Variants in DIP2C observed in about 807,000 individuals in gnomAD.
DIP2C encodes DIP2 acetate--CoA ligase C (putative).
DIP2C carries 33 observed loss-of-function variants against 192.4 expected under a neutral mutation model. The ratio of observed to expected loss-of-function variants is 0.17; its 90% CI spans 0.13 to 0.23. DIP2C has a LOEUF of 0.23. Ranked by LOEUF, DIP2C falls within the 10% of genes least tolerant of loss-of-function variation. The pLI, the probability that DIP2C is intolerant of heterozygous loss-of-function variation, is 1.00. For synonymous variants in DIP2C, 979 were observed against 864.1 expected (o/e 1.13, Z -2.33); for missense variants, 1,537 against 2,110.1 (o/e 0.73, Z 5.32).
At chr10:362,800 G>T in intron 21 of DIP2C, 109 bp from the exon 22 acceptor site, 1 of 1,219,080 alleles carries the variant, frequency 8.2e-7, no homozygotes, top group Non-Finnish European at 1.1e-6. Context: ...TGCAGTATAA[G>T]CACTGTTCCC....
intron 36 of DIP2C, among the ~76,000 whole-genome samples, chr10:280,413 A>G (rs1228777413): frequency 1.3e-5 from 2 of 152,158 alleles, no homozygotes; most frequent in Non-Finnish European, 2.9e-5. Flanking sequence ...TCTGTTATCA[A>G]GGGAATGAAC....
intron 32 of DIP2C, among the ~76,000 whole-genome samples, chr10:305,133 G>A (rs971861842): frequency 7.9e-5 from 12 of 151,996 alleles, no homozygotes; most frequent in African/African-American, 2.9e-4. Context: ...ACACACAACA[G>A]CATATATACA....
chr10:306,513 G>C lies in DIP2C; in HGVS notation c.3986+3518C>G, dbSNP rs576802180. ...TAATTGGGCAGGTGCCTTGGAGCTC[G>C]CAAGTGAGTGTGCCATTAAAGCAAC... On this transcript the variant is annotated intron_variant, in intron 32 of 36. Coordinates refer to ENST00000280886, the MANE Select transcript of DIP2C (RefSeq NM_014974.3). 5.9e-5 allele frequency among the ~76,000 whole-genome samples: 9 copies of C among 152,284 alleles called. No homozygotes were observed. The South Asian group carries it at 1.2e-3, about 21-fold the overall frequency.
At chr10:616,261 T>G (rs1853464208) in intron 1 of DIP2C, among the ~76,000 whole-genome samples, 2 of 152,206 alleles carry the variant, frequency 1.3e-5, no homozygotes, top group Non-Finnish European at 2.9e-5. Flanking sequence ...TAAAGCTAAT[T>G]TAGGTGGCAG....
At chr10:428,418 G>A (rs1017133500) in intron 4 of DIP2C, among the ~76,000 whole-genome samples, 2 of 152,062 alleles carry the variant, frequency 1.3e-5, no homozygotes, top group South Asian at 2.1e-4. Context: ...GATTTTCACC[G>A]GATATGAGTT....
At chr10:366,536 C>A (rs1048254555) in intron 18 of DIP2C, 125 bp from the exon 19 acceptor site, 6 of 1,320,044 alleles carry the variant, frequency 4.5e-6, no homozygotes, top group Non-Finnish European at 6.2e-6. Context: ...CAAAACTGCA[C>A]GGATGGTAGT....
chr10:284,628 C>T (rs1480697210), intron 34 of DIP2C, among the ~76,000 whole-genome samples: 2 of 152,140 alleles, frequency 1.3e-5, no homozygotes, highest in Admixed American at 6.5e-5. Context: ...AGGGTGCAAA[C>T]CCTCAGTTAG....
chr10:664,610 T>C (rs1351950315), intron 1 of DIP2C: 1 of 152,240 alleles, frequency 6.6e-6, no homozygotes, highest in Non-Finnish European at 1.5e-5. Context: ...AACATTACAA[T>C]GCTACAGAGA....
chr10:280,537 C>G (rs1954762185), intron 36 of DIP2C, among the ~76,000 whole-genome samples: 1 of 152,248 alleles, frequency 6.6e-6, no homozygotes. Flanking sequence ...GGCACTCCAG[C>G]ATCCAATCCA....
rs561064469 is a variant in DIP2C at position 459,884 on chromosome 10, C to T, written c.268+12555G>A. On this transcript the variant is annotated intron_variant, in intron 3 of 36. Transcript: ENST00000280886. Reference sequence around the variant, plus strand: ...TCTCACAGTCACATCAGGGAACCACCTGCTGCACGTGAGCTCTAGGACCTT... The same window carrying T: ...TCTCACAGTCACATCAGGGAACCACTTGCTGCACGTGAGCTCTAGGACCTT... 2.4e-3 allele frequency among the ~76,000 whole-genome samples: 336 copies of T among 140,680 alleles called. 5 individuals carry two copies. The highest frequency in any genetic ancestry group is 9.1e-3 in the African/African-American group (322 of 35,560). 92.3% of individuals were successfully genotyped at this position (140,680 alleles called of 152,430 possible).
rs781295839 is a variant in DIP2C, at chr10:286,255, G to C, written c.4119+18C>G. 6.2e-6 allele frequency: 10 copies of C among 1,613,208 alleles called. No individual in the cohort carries two copies. Among genetic ancestry groups the C allele is most frequent in the Non-Finnish European group, 8.5e-6 (10 of 1,179,324 alleles). On this transcript the variant is annotated intron_variant, in intron 34 of 36. Transcript: ENST00000280886. ...ATAACAGAAAAGTAACCTGGATCTC[G>C]GAGGACACTCAACTCACCTCTCCAA...
chr10:445,650 G>A (rs1026028558), intron 3 of DIP2C, among the ~76,000 whole-genome samples: 1 of 113,548 alleles, frequency 8.8e-6, no homozygotes, highest in Admixed American at 7.8e-5. Context: ...CTGGGCATCT[G>A]TATACATCTG....
At position 544,263 on chromosome 10, in the gene DIP2C, G is replaced by C. The variant is rs955287815; in HGVS notation, c.86-57733C>G. 3.3e-5 allele frequency among the ~76,000 whole-genome samples: 5 copies of C among 152,204 alleles called. No individual in the cohort carries two copies. In the South Asian group the frequency reaches 1.0e-3, roughly 32 times the overall value. On this transcript the variant is annotated intron_variant, in intron 1 of 36. Transcript: ENST00000280886. ...CATCTTTCACATTCAAGGCTCATTG[G>C]AGCACATGTTCTTTTGTTCCTTTTT...
At chr10:286,899 G>A (rs186474892) in intron 33 of DIP2C, among the ~76,000 whole-genome samples, 10 of 152,258 alleles carry the variant, frequency 6.6e-5, no homozygotes, top group African/African-American at 2.2e-4. Flanking sequence ...AAATGCTTTT[G>A]GCAAAATGAT....
chr10:558,102 A>C (rs556013135), intron 1 of DIP2C, among the ~76,000 whole-genome samples: 54 of 152,298 alleles, frequency 3.5e-4, no homozygotes, highest in Non-Finnish European at 8.8e-5. Context: ...CGCTTGCCTC[A>C]TATGACATTC....
intron 9 of DIP2C, among the ~76,000 whole-genome samples, chr10:400,223 A>G (rs980992954): frequency 2.0e-5 from 3 of 152,012 alleles, no homozygotes; most frequent in Non-Finnish European, 4.4e-5. Flanking sequence ...GGGTCTCGTT[A>G]TGTTGCCCAG....
chr10:481,843 C>G (rs1564770201), intron 2 of DIP2C, among the ~76,000 whole-genome samples: 2 of 152,210 alleles, frequency 1.3e-5, no homozygotes, highest in Non-Finnish European at 2.9e-5. Flanking sequence ...CCGGCCCACC[C>G]CCACAGGCAG....
intron 1 of DIP2C, among the ~76,000 whole-genome samples, chr10:568,068 A>G (rs545682296): frequency 6.6e-6 from 1 of 152,298 alleles, no homozygotes; most frequent in African/African-American, 2.4e-5. Context: ...CTCTGCACTA[A>G]TGCCACAGCT....
rs1954478146 is a variant in DIP2C at position 275,669 on chromosome 10, G to C, written c.*1656C>G. ...ATATCTAGCACCGAGAGCCACTGCG[G>C]GGTCACACTGGGGCAGTTACAGAAC... On this transcript the variant is annotated 3_prime_UTR_variant, in exon 37 of 37. Transcript: ENST00000280886. 1 of 152,008 alleles carries C rather than the reference G, an allele frequency of 6.6e-6. No individual in the cohort carries two copies. Among genetic ancestry groups the C allele is most frequent in the East Asian group, 1.9e-4 (1 of 5,166 alleles). The allele number at this position is 152,008 out of a possible 1,614,324, so 9.4% of individuals were successfully genotyped here.
Sources: allele counts gnomAD v4.1 joint callset (sites outside exome capture counted in the v4.1 genomes callset), GRCh38; gene constraint gnomAD v4.1.1; transcripts MANE v1.5; gene names NCBI Gene and HGNC (gene_info 2026-07-23, HGNC 2026-07-21).